The following KIF16B variants were observed in gnomAD, a reference collection of about 807,000 sequenced individuals.
The protein encoded by KIF16B is kinesin-like protein KIF16B.
KIF16B carries 98 observed loss-of-function variants against 156.3 expected under a neutral mutation model. The ratio of observed to expected loss-of-function variants is 0.63; its 90% confidence interval spans 0.53 to 0.74. The LOEUF is 0.74. Among genes scored for constraint, KIF16B ranks in the 30% least tolerant of loss-of-function variants. KIF16B has a pLI of 0.00. For synonymous variants in KIF16B, 564 were observed against 583.7 expected (o/e 0.97, Z 0.49); for missense variants, 1,421 against 1,606.5 (o/e 0.88, Z 1.97).
At chr20:16,309,409 C>T (rs1047181332) in intron 25 of KIF16B, among the ~76,000 whole-genome samples, 1 of 152,168 alleles carries the variant, frequency 6.6e-6, no homozygotes. Flanking sequence ...CCACCAGACA[C>T]ATAACCAATG....
intron 12 of KIF16B, among the ~76,000 whole-genome samples, chr20:16,471,160 C>A (rs1404547517): frequency 6.6e-6 from 1 of 152,146 alleles, no homozygotes; most frequent in Non-Finnish European, 1.5e-5. Flanking sequence ...CCTCTGGAAA[C>A]TTTCCGTCTC....
intron 11 of KIF16B, among the ~76,000 whole-genome samples, chr20:16,494,920 C>T (rs2068406008): frequency 1.3e-5 from 2 of 152,166 alleles, no homozygotes; most frequent in East Asian, 1.9e-4. Flanking sequence ...TGACAAAAAT[C>T]ACTTCTTTCC....
At chr20:16,281,518 T>A (rs1161474157) in intron 25 of KIF16B, among the ~76,000 whole-genome samples, 1 of 152,156 alleles carries the variant, frequency 6.6e-6, no homozygotes, top group Admixed American at 6.5e-5. Flanking sequence ...TCCAGTCAAG[T>A]CTTCCCAATT....
chr20:16,368,102 C>T (rs1258045367), intron 22 of KIF16B: 3 of 1,286,180 alleles, frequency 2.3e-6, no homozygotes, highest in African/African-American at 3.0e-5. Flanking sequence ...TTCATGTTGC[C>T]CAAAGGTTCT....
chr20:16,538,933 A>T, intron 1 of KIF16B, among the ~76,000 whole-genome samples: 1 of 152,050 alleles, frequency 6.6e-6, no homozygotes, highest in Non-Finnish European at 1.5e-5. Context: ...CTCTTGCTCC[A>T]TTCTCACTAT....
intron 12 of KIF16B, among the ~76,000 whole-genome samples, chr20:16,460,845 G>A (rs182306481): frequency 6.9e-4 from 104 of 151,578 alleles, no homozygotes; most frequent in Admixed American, 1.8e-3. Flanking sequence ...CAATAACCTC[G>A]GATGAAAATC....
intron 1 of KIF16B, among the ~76,000 whole-genome samples, chr20:16,532,682 T>A (rs965315252): frequency 7.9e-5 from 12 of 151,738 alleles, no homozygotes; most frequent in Non-Finnish European, 1.3e-4. Flanking sequence ...TCTCAATCAA[T>A]CACTAACCTA....
chr20:16,435,483 G>A lies in KIF16B; in HGVS notation c.1303-5501C>T, dbSNP rs377752447. Among the ~76,000 whole-genome samples the A allele has an allele frequency of 3.3e-5, 5 of 152,310 alleles. No individual in the cohort carries two copies. The East Asian group carries it at 9.6e-4, about 29-fold the overall frequency. On this transcript the variant is annotated intron_variant, in intron 12 of 25. Coordinates refer to ENST00000354981, the MANE Select transcript of KIF16B (RefSeq NM_024704.5). Reference sequence around the variant, plus strand: ...ATCTTGAAATTCAATGGCTTAATTAGGATAGATCTCAGTGTTGAACATCCT... The same window carrying A: ...ATCTTGAAATTCAATGGCTTAATTAAGATAGATCTCAGTGTTGAACATCCT...
intron 15 of KIF16B, among the ~76,000 whole-genome samples, chr20:16,422,470 T>C (rs1207898202): frequency 2.6e-5 from 4 of 152,012 alleles, no homozygotes; most frequent in African/African-American, 7.2e-5. Context: ...GCCAGGGCTA[T>C]GGGTGGTGGG....
At chr20:16,387,728 G>A (rs371226010) in intron 17 of KIF16B, among the ~76,000 whole-genome samples, 80 of 152,312 alleles carry the variant, frequency 5.3e-4, no homozygotes, top group African/African-American at 1.8e-3. Flanking sequence ...GACAGGCAGC[G>A]GTCCCAAGTG....
intron 25 of KIF16B, among the ~76,000 whole-genome samples, chr20:16,298,745 A>C (rs2063427797): frequency 6.6e-6 from 1 of 152,010 alleles, no homozygotes; most frequent in Non-Finnish European, 1.5e-5. Flanking sequence ...TTCTTGCAAA[A>C]AAAAATCAAA....
intron 17 of KIF16B, among the ~76,000 whole-genome samples, chr20:16,401,935 T>G (rs540524472): frequency 6.6e-6 from 1 of 152,326 alleles, no homozygotes; most frequent in African/African-American, 2.4e-5. Flanking sequence ...ATCTTCAGGT[T>G]ACTCTCTTGC....
intron 3 of KIF16B, 99 bp from the exon 4 acceptor site, chr20:16,515,763 T>C (rs544648417): frequency 1.5e-6 from 1 of 685,094 alleles, no homozygotes; most frequent in East Asian, 2.7e-5. Flanking sequence ...CTTTCAGCTC[T>C]TAAGGATTAG....
chr20:16,369,899 G>T (rs1054027332), intron 22 of KIF16B, among the ~76,000 whole-genome samples: 3 of 152,206 alleles, frequency 2.0e-5, no homozygotes, highest in African/African-American at 7.2e-5. Flanking sequence ...GTAGAGGAGG[G>T]AAATGGCTAT....
chr20:16,455,287 C>A (rs562965494), intron 12 of KIF16B, among the ~76,000 whole-genome samples: 7 of 151,672 alleles, frequency 4.6e-5, no homozygotes, highest in African/African-American at 1.7e-4. Flanking sequence ...CTCAAGTGAT[C>A]CTCTTGCCTC....
intron 25 of KIF16B, among the ~76,000 whole-genome samples, chr20:16,305,124 T>A (rs2063523165): frequency 6.6e-6 from 1 of 152,004 alleles, no homozygotes. Flanking sequence ...ACTCTGGGCA[T>A]CCCTTTACTG....
At chr20:16,422,033 C>T (rs1337388838) in intron 15 of KIF16B, among the ~76,000 whole-genome samples, 1 of 152,014 alleles carries the variant, frequency 6.6e-6, no homozygotes, top group East Asian at 1.9e-4. Flanking sequence ...AATCATTAAC[C>T]AGAATAGGCA....
At chr20:16,545,211 A>T (rs1157141938) in intron 1 of KIF16B, among the ~76,000 whole-genome samples, 35 of 152,138 alleles carry the variant, frequency 2.3e-4, no homozygotes, top group Admixed American at 2.3e-3. Context: ...TCCTCAAAAG[A>T]CACAAACAAC....
chr20:16,448,616 A>G (rs2066997461), intron 12 of KIF16B, among the ~76,000 whole-genome samples: 1 of 152,182 alleles, frequency 6.6e-6, no homozygotes, highest in Non-Finnish European at 1.5e-5. Flanking sequence ...AGCAACAATA[A>G]TAATACCAAC....
Sources: allele counts gnomAD v4.1 joint callset (sites outside exome capture counted in the v4.1 genomes callset), GRCh38; gene constraint gnomAD v4.1.1; transcripts MANE v1.5; gene names NCBI Gene and HGNC (gene_info 2026-07-23, HGNC 2026-07-21).